PIBF1: variants seen among roughly 807,000 people sequenced by gnomAD.
PIBF1 encodes progesterone-induced-blocking factor 1.
Under a neutral mutation model 112.5 loss-of-function variants are expected in PIBF1, and 90 were observed. The ratio of observed to expected loss-of-function variants is 0.80; its 90% CI spans 0.67 to 0.95. The LOEUF (loss-of-function observed/expected upper bound fraction) is 0.95, where lower values mean the gene tolerates loss of function less well. Ranked by LOEUF, PIBF1 falls within the 40% of genes least tolerant of loss-of-function variation. PIBF1 has a pLI of 0.00. For synonymous variants in PIBF1, 301 were observed against 288.6 expected (o/e 1.04, Z -0.44); for missense variants, 915 against 852.3 (o/e 1.07, Z -0.92).
At chr13:72,810,556 A>G (rs1320119307) in intron 5 of PIBF1, among the ~76,000 whole-genome samples, 2 of 152,202 alleles carry the variant, frequency 1.3e-5, no homozygotes, top group Non-Finnish European at 2.9e-5. Context: ...TATGAAAATG[A>G]GTTATTTCAT....
intron 5 of PIBF1, among the ~76,000 whole-genome samples, chr13:72,801,350 A>G (rs1397764746): frequency 1.3e-5 from 2 of 152,064 alleles, no homozygotes; most frequent in Non-Finnish European, 2.9e-5. Flanking sequence ...CAGATGAACT[A>G]TGTAGCCTAG....
At chr13:73,005,897 G>A (rs1020865064) in intron 17 of PIBF1, among the ~76,000 whole-genome samples, 2 of 149,346 alleles carry the variant, frequency 1.3e-5, no homozygotes, top group African/African-American at 4.9e-5. Context: ...TGTCATATTT[G>A]TGTTTAGAAG....
At chr13:72,852,400 CTG>C (rs2038205490) in intron 9 of PIBF1, among the ~76,000 whole-genome samples, 1 of 152,218 alleles carries the variant, frequency 6.6e-6, no homozygotes, top group African/African-American at 2.4e-5. Flanking sequence ...GTGTGCCCTG[CTG>C]TGTGCAGTGG....
chr13:72,931,211 C>G lies in PIBF1; in HGVS notation c.1777C>G (p.Leu593Val), dbSNP rs2041686452. 6.2e-7 allele frequency: 1 copy of G among 1,613,218 alleles called. No homozygotes were observed. The highest frequency in any genetic ancestry group is 8.5e-7 in the Non-Finnish European group (1 of 1,179,572). ...GCTTCAATTAGAAAAACAAAACTCG[C>G]TGATTTTAAAAGATCTGGAACATCG... ...RVLQLEKQNSLILKDLEHRKD... is the reference protein window; with the variant it reads ...RVLQLEKQNSVILKDLEHRKD... The change falls in exon 14 of 18, where the codon CTG becomes GTG. Residue 593 changes from leucine to valine, a missense_variant. Physicochemically the swap from Leu to Val is conservative, Grantham distance 32 (BLOSUM62 1). Transcript: ENST00000326291.
chr13:72,793,126 A>T (rs2035020696), intron 3 of PIBF1, among the ~76,000 whole-genome samples: 1 of 152,166 alleles, frequency 6.6e-6, no homozygotes, highest in African/African-American at 2.4e-5. Flanking sequence ...TTCTTCCTAA[A>T]TGTCTTTTAG....
At chr13:72,854,817 G>GTT (rs561575042) in intron 10 of PIBF1, among the ~76,000 whole-genome samples, 18 of 144,440 alleles carry the variant, frequency 1.2e-4, no homozygotes, top group South Asian at 2.2e-4. Flanking sequence ...ATACTCCCTA[G>GTT]TTTTTTTTTT....
At chr13:72,966,623 T>G (rs2042746287) in intron 15 of PIBF1, among the ~76,000 whole-genome samples, 1 of 152,158 alleles carries the variant, frequency 6.6e-6, no homozygotes, top group African/African-American at 2.4e-5. Flanking sequence ...TTTGAATATT[T>G]TTTGGCCAGG....
chr13:72,873,647 C>T (rs2039260060), intron 10 of PIBF1, among the ~76,000 whole-genome samples: 1 of 152,074 alleles, frequency 6.6e-6, no homozygotes, highest in Non-Finnish European at 1.5e-5. Context: ...CCCACCTTAG[C>T]CTCCCAAAGT....
At chr13:72,917,731 C>T (rs577080857) in intron 13 of PIBF1, among the ~76,000 whole-genome samples, 30 of 152,230 alleles carry the variant, frequency 2.0e-4, no homozygotes, top group African/African-American at 6.5e-4. Flanking sequence ...AAAATATTCG[C>T]GAAAAGAATG....
chr13:72,792,769 T>C (rs2034999694), intron 3 of PIBF1, among the ~76,000 whole-genome samples: 1 of 152,190 alleles, frequency 6.6e-6, no homozygotes, highest in Admixed American at 6.5e-5. Flanking sequence ...CATTGGTCAG[T>C]GTAAACCATA....
intron 5 of PIBF1, among the ~76,000 whole-genome samples, chr13:72,819,542 A>G (rs555030126): frequency 6.6e-6 from 1 of 152,214 alleles, no homozygotes; most frequent in East Asian, 1.9e-4. Context: ...AGAGTTGCCG[A>G]CTGATTTGGA....
chr13:72,965,968 G>A (rs886549561), intron 15 of PIBF1, among the ~76,000 whole-genome samples: 2 of 151,972 alleles, frequency 1.3e-5, no homozygotes, highest in African/African-American at 4.8e-5. Flanking sequence ...TGACCAGTTT[G>A]GTTTTTTAAA....
chr13:73,010,805 C>CTTCTCT (rs1396150238), intron 17 of PIBF1, among the ~76,000 whole-genome samples: 16 of 52,608 alleles, frequency 3.0e-4, no homozygotes, highest in East Asian at 9.2e-4. Flanking sequence ...AAATCATTAA[C>CTTCTCT]TTTTCTTTTT....
chr13:72,893,962 G>T lies in PIBF1; in HGVS notation c.1488+13G>T. 1 of 1,444,108 alleles carries T rather than the reference G, an allele frequency of 6.9e-7. No homozygotes were observed. Among genetic ancestry groups the T allele is most frequent in the Non-Finnish European group, 9.2e-7 (1 of 1,082,492 alleles). The allele number at this position is 1,444,108 out of a possible 1,614,324, so 89.5% of individuals were successfully genotyped here. On this transcript the variant is annotated intron_variant, in intron 11 of 17. Transcript: ENST00000326291. ...GAAAAAATTGGAGGTACATGTACAA[G>T]CTTTTCTTTCAACATTAGCATGGCA...
chr13:72,788,810 T>C (rs1307291850), intron 2 of PIBF1, among the ~76,000 whole-genome samples: 1 of 152,158 alleles, frequency 6.6e-6, no homozygotes, highest in Admixed American at 6.5e-5. Context: ...GTAAGTTTTT[T>C]CTTCTACCCA....
At chr13:72,864,885 T>A (rs1228793637) in intron 10 of PIBF1, among the ~76,000 whole-genome samples, 7 of 152,174 alleles carry the variant, frequency 4.6e-5, no homozygotes, top group Admixed American at 1.3e-4. Flanking sequence ...TTTCAACATG[T>A]TTCAGTTTAA....
intron 5 of PIBF1, among the ~76,000 whole-genome samples, chr13:72,819,677 A>T (rs1047068799): frequency 2.1e-4 from 32 of 152,102 alleles, no homozygotes. Flanking sequence ...TGTTAAGTCG[A>T]CAATGTATAT....
rs191184217 is a variant in PIBF1 at position 72,827,269 on chromosome 13, A to G, written c.915+151A>G. ...TTTTTTTTTTTTTTTTTTTTTTGAG[A>G]CAGGAGTCTTTCCCTGTTGACCAGG... On this transcript the variant is annotated intron_variant, in intron 7 of 17. Coordinates refer to ENST00000326291, the MANE Select transcript of PIBF1 (RefSeq NM_006346.4). The G allele has an allele frequency of 9.4e-4, 335 of 355,108 alleles. 1 individual carries two copies. The highest frequency in any genetic ancestry group is 8.9e-3 in the African/African-American group (300 of 33,832). The allele number at this position is 355,108 out of a possible 1,614,324, so 22.0% of individuals were successfully genotyped here. A position where few individuals can be genotyped will look rare whatever the true frequency, so the allele number is the denominator to read the frequency against.
chr13:72,801,226 C>G (rs2035455063), intron 5 of PIBF1, among the ~76,000 whole-genome samples: 1 of 152,000 alleles, frequency 6.6e-6, no homozygotes, highest in African/African-American at 2.4e-5. Flanking sequence ...CATGATCTGA[C>G]ATGTACAGTT....
Sources: allele counts gnomAD v4.1 joint callset (sites outside exome capture counted in the v4.1 genomes callset), GRCh38; gene constraint gnomAD v4.1.1; transcripts MANE v1.5; gene names NCBI Gene and HGNC (gene_info 2026-07-23, HGNC 2026-07-21).